The following PTPRM variants were observed in gnomAD, a reference collection of about 807,000 sequenced individuals.
The protein encoded by PTPRM is protein tyrosine phosphatase receptor type M.
In PTPRM, 47 loss-of-function variants were observed where a neutral mutation model predicts 186.7. The ratio of observed to expected loss-of-function variants is 0.25; its 90% confidence interval spans 0.20 to 0.32. The LOEUF is 0.32. Ranked by LOEUF, PTPRM falls within the 10% of genes least tolerant of loss-of-function variation. The pLI is 1.00. For missense variants in PTPRM, 1,494 were observed against 1,865.0 expected, an observed-to-expected ratio of 0.80 and a Z score of 3.66; for synonymous variants, 668 against 674.9, an observed-to-expected ratio of 0.99 and a Z score of 0.16.
chr18:7,744,182 G>A (rs1332882975), intron 1 of PTPRM, among the ~76,000 whole-genome samples: 1 of 152,076 alleles, frequency 6.6e-6, no homozygotes, highest in South Asian at 2.1e-4. Flanking sequence ...AAAAGGCCAC[G>A]GTGTGAAGAA....
intron 1 of PTPRM, among the ~76,000 whole-genome samples, chr18:7,643,506 A>ATTTTTTTTTTTTTT (rs1474735802): frequency 6.6e-6 from 1 of 151,616 alleles, no homozygotes; most frequent in African/African-American, 2.4e-5. Context: ...TGCCTGGCTA[A>ATTTTTTTTTTTTTT]TTTTTTTGTA....
intron 14 of PTPRM, among the ~76,000 whole-genome samples, chr18:8,187,318 GC>G (rs1194272192): frequency 1.3e-5 from 2 of 152,160 alleles, no homozygotes; most frequent in African/African-American, 4.8e-5. Flanking sequence ...TGCTGTGGAA[GC>G]AACATCTGTC....
intron 2 of PTPRM, among the ~76,000 whole-genome samples, chr18:7,797,915 G>A (rs913917083): frequency 6.6e-6 from 1 of 152,100 alleles, no homozygotes; most frequent in Non-Finnish European, 1.5e-5. Context: ...CTAGCCACTG[G>A]GATTTAATTT....
At chr18:7,880,513 G>A (rs1452082991) in intron 2 of PTPRM, among the ~76,000 whole-genome samples, 2 of 152,176 alleles carry the variant, frequency 1.3e-5, no homozygotes, top group Admixed American at 1.3e-4. Flanking sequence ...TGTAGGAAGG[G>A]CATAGAAGAG....
intron 2 of PTPRM, among the ~76,000 whole-genome samples, chr18:7,813,039 G>T (rs796125951): frequency 6.6e-6 from 1 of 152,220 alleles, no homozygotes; most frequent in Non-Finnish European, 1.5e-5. Flanking sequence ...TCATGCTGAC[G>T]AATTACCCCT....
At chr18:7,782,997 T>C (rs183654528) in intron 2 of PTPRM, among the ~76,000 whole-genome samples, 64 of 152,332 alleles carry the variant, frequency 4.2e-4, no homozygotes, top group African/African-American at 1.5e-3. Context: ...TGCTAAAAAG[T>C]ATACAAATTA....
intron 3 of PTPRM, among the ~76,000 whole-genome samples, chr18:7,897,969 C>T (rs1030275821): frequency 3.3e-5 from 5 of 152,180 alleles, no homozygotes; most frequent in Non-Finnish European, 7.3e-5. Context: ...TAATAATTAG[C>T]TCCATTGCAA....
chr18:7,648,653 C>T (rs911468373), intron 1 of PTPRM, among the ~76,000 whole-genome samples: 2 of 152,164 alleles, frequency 1.3e-5, no homozygotes, highest in African/African-American at 4.8e-5. Context: ...TAATCCAGAC[C>T]AAGGCCCTAA....
intron 22 of PTPRM, among the ~76,000 whole-genome samples, chr18:8,337,759 AG>A (rs1290220695): frequency 6.6e-6 from 1 of 152,086 alleles, no homozygotes; most frequent in Non-Finnish European, 1.5e-5. Context: ...GCATCAGCAG[AG>A]GGGGGTCTTG....
chr18:7,683,546 T>C (rs917563093), intron 1 of PTPRM, among the ~76,000 whole-genome samples: 1 of 152,110 alleles, frequency 6.6e-6, no homozygotes, highest in Non-Finnish European at 1.5e-5. Context: ...AGTATCTTAT[T>C]GGATGTGGGA....
At chr18:7,576,451 C>T (rs2036688573) in intron 1 of PTPRM, among the ~76,000 whole-genome samples, 1 of 152,100 alleles carries the variant, frequency 6.6e-6, no homozygotes, top group Non-Finnish European at 1.5e-5. Flanking sequence ...TTGGACCACA[C>T]CCTTTGTATA....
At chr18:8,059,162 T>G (rs2088274653) in intron 7 of PTPRM, among the ~76,000 whole-genome samples, 1 of 151,242 alleles carries the variant, frequency 6.6e-6, no homozygotes, top group Admixed American at 6.6e-5. Context: ...CTTGAAGAGG[T>G]CCTTCACATC....
chr18:8,082,340 C>A (rs1288479224), intron 9 of PTPRM, among the ~76,000 whole-genome samples: 1 of 152,168 alleles, frequency 6.6e-6, no homozygotes, highest in Non-Finnish European at 1.5e-5. Context: ...AGTCACAACA[C>A]AGGCATTCAG....
intron 19 of PTPRM, among the ~76,000 whole-genome samples, chr18:8,261,113 G>A (rs1442692636): frequency 2.0e-5 from 3 of 152,168 alleles, no homozygotes; most frequent in African/African-American, 7.2e-5. Context: ...TTTCAGATGT[G>A]CTTTTCAGTT....
At chr18:7,976,182 T>TG (rs2054924333) in intron 7 of PTPRM, among the ~76,000 whole-genome samples, 1 of 151,506 alleles carries the variant, frequency 6.6e-6, no homozygotes, top group South Asian at 2.1e-4. Flanking sequence ...AAATAAAAAA[T>TG]AAAAAATGAA....
At chr18:7,775,179 A>C (rs1160497321) in intron 2 of PTPRM, among the ~76,000 whole-genome samples, 1 of 152,248 alleles carries the variant, frequency 6.6e-6, no homozygotes, top group African/African-American at 2.4e-5. Flanking sequence ...AAGGTTTAAC[A>C]GTATGATGCT....
At chr18:8,378,494 C>T in intron 27 of PTPRM, 80 bp downstream of exon 27, 1 of 1,515,260 alleles carries the variant, frequency 6.6e-7, no homozygotes, top group Non-Finnish European at 9.0e-7. Flanking sequence ...CTGAGTGAGC[C>T]CTTGAATCAC....
At chr18:7,822,012 G>A (rs566439763) in intron 2 of PTPRM, among the ~76,000 whole-genome samples, 48 of 152,134 alleles carry the variant, frequency 3.2e-4, no homozygotes, top group Admixed American at 2.1e-3. Flanking sequence ...GATGAGGGAG[G>A]ACTACTATAT....
intron 1 of PTPRM, among the ~76,000 whole-genome samples, chr18:7,772,845 T>C (rs2042394035): frequency 6.6e-6 from 1 of 152,170 alleles, no homozygotes; most frequent in South Asian, 2.1e-4. Flanking sequence ...GAACACTTAA[T>C]TGTCATCAGT....
Sources: gnomAD v4.1 joint callset for allele counts (sites outside exome capture counted in the v4.1 genomes callset) on GRCh38, gnomAD v4.1.1 for gene constraint, MANE v1.5 for transcripts, NCBI Gene and HGNC (gene_info 2026-07-23, HGNC 2026-07-21) for gene names.